The following ITFG1 variants were observed in gnomAD, a reference collection of about 807,000 sequenced individuals.
ITFG1 encodes the protein integrin alpha FG-GAP repeat containing 1, also known as T-cell immunomodulatory protein.
A neutral mutation model predicts 81.8 loss-of-function variants in ITFG1; 34 were observed. The observed-to-expected ratio is 0.42, with a 90% confidence interval of 0.32 to 0.55. The LOEUF is 0.55. ITFG1 is among the 20% of genes least tolerant of loss of function. ITFG1 has a pLI of 0.17. For missense variants in ITFG1, 672 were observed against 755.4 expected, an observed-to-expected ratio of 0.89 and a Z score of 1.29; for synonymous variants, 285 against 270.6, an observed-to-expected ratio of 1.05 and a Z score of -0.52.
At chr16:47,383,451 T>C (rs900350560) in intron 6 of ITFG1, among the ~76,000 whole-genome samples, 5 of 152,378 alleles carry the variant, frequency 3.3e-5, no homozygotes, top group African/African-American at 7.2e-5. Context: ...AAAATCCTGA[T>C]GCTTTCTTAT....
At chr16:47,354,187 A>T (rs576130386) in intron 8 of ITFG1, among the ~76,000 whole-genome samples, 1 of 152,320 alleles carries the variant, frequency 6.6e-6, no homozygotes, top group African/African-American at 2.4e-5. Flanking sequence ...ACAGCATGAT[A>T]CTGTCATAAA....
In ITFG1 at chr16:47,423,922, C is replaced by T. The variant is rs1968984999; in HGVS notation, c.655+4882G>A. On this transcript the variant is annotated intron_variant, in intron 6 of 17. Transcript: ENST00000320640. ...TTATGTGTCTTGGGGTTGCTCTTCT[C>T]AAGGAGTATCTTTGTGGTATTCTCT... is the stretch of plus-strand genomic sequence containing the variant. Among the ~76,000 whole-genome samples, 4 of 152,278 alleles carry T rather than the reference C, an allele frequency of 2.6e-5. No individual in the cohort carries two copies. In the South Asian group the frequency reaches 8.3e-4, roughly 32 times the overall value.
At chr16:47,277,997 T>C (rs917063029) in intron 10 of ITFG1, among the ~76,000 whole-genome samples, 3 of 152,170 alleles carry the variant, frequency 2.0e-5, no homozygotes, top group Non-Finnish European at 2.9e-5. Flanking sequence ...AAATTATATA[T>C]AAAATATAAG....
At chr16:47,283,306 C>T (rs776029966) in intron 10 of ITFG1, among the ~76,000 whole-genome samples, 3 of 152,074 alleles carry the variant, frequency 2.0e-5, no homozygotes, top group Non-Finnish European at 4.4e-5. Flanking sequence ...ATATGGCTAG[C>T]CAATTTTCCC....
chr16:47,249,264 CA>C (rs1335298708), intron 12 of ITFG1, among the ~76,000 whole-genome samples: 1 of 151,958 alleles, frequency 6.6e-6, no homozygotes, highest in Non-Finnish European at 1.5e-5. Context: ...ACTAAAAATA[CA>C]AAAATTAGCT....
intron 14 of ITFG1, among the ~76,000 whole-genome samples, chr16:47,178,151 T>C (rs1965053207): frequency 6.6e-6 from 1 of 152,228 alleles, no homozygotes; most frequent in South Asian, 2.1e-4. Flanking sequence ...TGTTTTAAAA[T>C]TCACTGACTT....
chr16:47,295,596 A>C (rs752270007), intron 10 of ITFG1, among the ~76,000 whole-genome samples: 4 of 152,196 alleles, frequency 2.6e-5, no homozygotes, highest in Non-Finnish European at 4.4e-5. Context: ...TTGTGAGCAT[A>C]GAGTTGTTCA....
intron 14 of ITFG1, among the ~76,000 whole-genome samples, chr16:47,175,940 T>A (rs1596784815): frequency 6.6e-6 from 1 of 152,296 alleles, no homozygotes; most frequent in East Asian, 1.9e-4. Context: ...CAGGGTGTGC[T>A]TCATTGGTGT....
chr16:47,360,550 C>G (rs1968096236), intron 8 of ITFG1, among the ~76,000 whole-genome samples: 1 of 152,012 alleles, frequency 6.6e-6, no homozygotes, highest in South Asian at 2.1e-4. Flanking sequence ...AGCATAGCAC[C>G]CAGAACTTTC....
chr16:47,236,324 A>T (rs1965873025), intron 13 of ITFG1, among the ~76,000 whole-genome samples: 1 of 151,906 alleles, frequency 6.6e-6, no homozygotes, highest in African/African-American at 2.4e-5. Flanking sequence ...AAATACAAAA[A>T]ATTAGCCGGG....
At chr16:47,210,060 A>G (rs1965545908) in intron 14 of ITFG1, among the ~76,000 whole-genome samples, 1 of 152,176 alleles carries the variant, frequency 6.6e-6, no homozygotes, top group African/African-American at 2.4e-5. Context: ...TCTGGGATAA[A>G]TGCCTGGGAC....
chr16:47,287,585 T>C (rs932293357), intron 10 of ITFG1, among the ~76,000 whole-genome samples: 12 of 151,866 alleles, frequency 7.9e-5, no homozygotes, highest in African/African-American at 2.9e-4. Context: ...TTTTTTTTTG[T>C]AGAGACAGGG....
intron 6 of ITFG1, among the ~76,000 whole-genome samples, chr16:47,389,071 A>T (rs1968498181): frequency 6.6e-6 from 1 of 152,176 alleles, no homozygotes; most frequent in Non-Finnish European, 1.5e-5. Context: ...GCCCTTTTTC[A>T]GGGCTCAGAC....
intron 6 of ITFG1, among the ~76,000 whole-genome samples, chr16:47,396,619 G>C (rs1341187827): frequency 6.6e-6 from 1 of 151,800 alleles, no homozygotes. Context: ...GAGAATGAGA[G>C]AAGCCAAGCA....
intron 12 of ITFG1, among the ~76,000 whole-genome samples, chr16:47,248,770 GT>G (rs1424914102): frequency 1.3e-5 from 2 of 152,100 alleles, no homozygotes; most frequent in Non-Finnish European, 2.9e-5. Flanking sequence ...AAAAATATAG[GT>G]TTATGGGTGA....
chr16:47,315,099 T>A (rs1596886356), intron 8 of ITFG1, among the ~76,000 whole-genome samples: 1 of 152,238 alleles, frequency 6.6e-6, no homozygotes, highest in East Asian at 1.9e-4. Context: ...AGGATCCTCA[T>A]GATTAATAAC....
At chr16:47,327,872 G>A (rs978581171) in intron 8 of ITFG1, among the ~76,000 whole-genome samples, 19 of 152,306 alleles carry the variant, frequency 1.2e-4, no homozygotes, top group Non-Finnish European at 1.8e-4. Flanking sequence ...TACACTGTTG[G>A]TGGGACTGTA....
intron 8 of ITFG1, among the ~76,000 whole-genome samples, chr16:47,355,952 C>A (rs1428182493): frequency 6.6e-6 from 1 of 152,136 alleles, no homozygotes; most frequent in East Asian, 1.9e-4. Context: ...GTTCTAAAAG[C>A]AAACAGCATA....
chr16:47,367,741 C>T (rs1337254308), intron 7 of ITFG1, among the ~76,000 whole-genome samples: 4 of 152,190 alleles, frequency 2.6e-5, no homozygotes, highest in African/African-American at 9.7e-5. Flanking sequence ...ACTCCATTGT[C>T]CCTGTGCAGA....
Sources: allele counts gnomAD v4.1 joint callset (sites outside exome capture counted in the v4.1 genomes callset), GRCh38; gene constraint gnomAD v4.1.1; transcripts MANE v1.5; gene names NCBI Gene and HGNC (gene_info 2026-07-23, HGNC 2026-07-21).